Variants in PCBP3 observed in about 807,000 individuals in gnomAD.
PCBP3 encodes the protein poly(rC) binding protein 3.
A neutral mutation model predicts 52.7 loss-of-function variants in PCBP3; 25 were observed. That is an observed-to-expected ratio of 0.47 (90% confidence interval 0.35 to 0.66). The LOEUF (loss-of-function observed/expected upper bound fraction) is 0.66, where lower values mean the gene tolerates loss of function less well. PCBP3 is among the 30% of genes least tolerant of loss of function. The pLI is 0.01. For synonymous variants in PCBP3, 162 were observed against 183.0 expected (o/e 0.89, Z 0.93); for missense variants, 391 against 490.3 (o/e 0.80, Z 1.91).
At chr21:45,807,091 G>A (rs575024032) in intron 4 of PCBP3, among the ~76,000 whole-genome samples, 65 of 152,274 alleles carry the variant, frequency 4.3e-4, no homozygotes, top group Non-Finnish European at 7.5e-4. Context: ...CACACGAATG[G>A]GCAAAAGCTG....
chr21:45,904,812 A>G lies in PCBP3; in HGVS notation c.339+3699A>G, dbSNP rs563335189. 2.0e-5 allele frequency among the ~76,000 whole-genome samples: 3 copies of G among 152,234 alleles called. No homozygotes were observed. Among genetic ancestry groups the G allele is most frequent in the Admixed American group, 2.0e-4 (3 of 15,290 alleles). ...CTCTGGGGCCGTGTCTCACCCTCAC[A>G]CCATGTCACGATTGTGCTGGTGACG... On this transcript the variant is annotated intron_variant, in intron 9 of 17. Transcript: ENST00000681687. This position sits in a 1 kb window ranked among gnomAD's most constrained non-coding sequence, Gnocchi z 4.8.
chr21:45,643,970 G>T (rs1476014978), intron 1 of PCBP3, 102 bp downstream of exon 1: 2 of 148,982 alleles, frequency 1.3e-5, no homozygotes, highest in Non-Finnish European at 3.0e-5. Flanking sequence ...CCCGGGCCGC[G>T]GCAAACTTCG....
chr21:45,726,409 G>T (rs2076412250), intron 2 of PCBP3, among the ~76,000 whole-genome samples: 1 of 152,116 alleles, frequency 6.6e-6, no homozygotes, highest in African/African-American at 2.4e-5. Flanking sequence ...GGGGCCTGTG[G>T]CTGGAGCCCA....
chr21:45,844,704 G>T (rs923230116), intron 4 of PCBP3, among the ~76,000 whole-genome samples: 1 of 152,084 alleles, frequency 6.6e-6, no homozygotes, highest in East Asian at 1.9e-4. Context: ...GCCCACAAAA[G>T]TGGCAACGTT....
At chr21:45,651,998 A>G (rs1046140497) in intron 1 of PCBP3, among the ~76,000 whole-genome samples, 2 of 152,208 alleles carry the variant, frequency 1.3e-5, no homozygotes, top group African/African-American at 2.4e-5. Context: ...GCATTTGTGT[A>G]TGAGATCGCT....
intron 4 of PCBP3, chr21:45,763,892 G>C (rs535625964): frequency 6.6e-6 from 1 of 152,222 alleles, no homozygotes; most frequent in African/African-American, 2.4e-5. Flanking sequence ...TTGATCACTG[G>C]GTCATTGGAT....
chr21:45,778,688 T>A (rs2090426422), intron 4 of PCBP3, among the ~76,000 whole-genome samples: 1 of 151,998 alleles, frequency 6.6e-6, no homozygotes, highest in African/African-American at 2.4e-5. Context: ...CCCACAATGG[T>A]GGATTGGGTT....
intron 1 of PCBP3, among the ~76,000 whole-genome samples, chr21:45,652,224 C>A (rs1246826343): frequency 6.6e-6 from 1 of 152,046 alleles, no homozygotes; most frequent in Non-Finnish European, 1.5e-5. Context: ...ATTAGTTGAT[C>A]TCAAAAAGAT....
In PCBP3 at chr21:45,726,167, T is replaced by C. The variant is rs1345859446; in HGVS notation, c.-199-9225T>C. Among the ~76,000 whole-genome samples the C allele has an allele frequency of 2.0e-5, 3 of 151,982 alleles. No individual in the cohort carries two copies. In the East Asian group the frequency reaches 5.8e-4, roughly 29 times the overall value. The stretch of plus-strand genomic sequence containing the variant: ...AGGGGCCTGAGCAACTCAGGCAGGA[T>C]GACGTGGGGAGGGTCAGGTCCAAGG... On this transcript the variant is annotated intron_variant, in intron 2 of 17. Coordinates refer to ENST00000681687, the MANE Select transcript of PCBP3 (RefSeq NM_001384156.1).
intron 1 of PCBP3, among the ~76,000 whole-genome samples, chr21:45,660,193 A>G (rs368628808): frequency 1.3e-5 from 2 of 152,010 alleles, no homozygotes; most frequent in South Asian, 4.1e-4. Flanking sequence ...GAGCTTCTTG[A>G]TGAATTGACC....
chr21:45,930,013 T>C lies in PCBP3; in HGVS notation c.796+18T>C, dbSNP rs1368920738. On this transcript the variant is annotated intron_variant, in intron 14 of 17. Coordinates refer to ENST00000681687, the MANE Select transcript of PCBP3 (RefSeq NM_001384156.1). ...TTTCCCCGGTACGTACCCAGCCCTT[T>C]TCTCACCTCCTTCTCTTCTCACCTG... The C allele has an allele frequency of 6.4e-7, 1 of 1,569,094 alleles. No homozygotes were observed. Among genetic ancestry groups the C allele is most frequent in the Admixed American group, 1.7e-5 (1 of 59,896 alleles).
chr21:45,811,573 A>G (rs2092688409), intron 4 of PCBP3, among the ~76,000 whole-genome samples: 1 of 152,270 alleles, frequency 6.6e-6, no homozygotes, highest in Non-Finnish European at 1.5e-5. Flanking sequence ...TAGGACTGTT[A>G]CATCTTCTTG....
intron 11 of PCBP3, chr21:45,911,413 G>A: frequency 3.9e-6 from 1 of 259,506 alleles, no homozygotes; most frequent in South Asian, 3.9e-5. Flanking sequence ...GGGTGGGAGG[G>A]AGGCAAAGGC....
intron 4 of PCBP3, among the ~76,000 whole-genome samples, chr21:45,844,212 G>A (rs2093757206): frequency 6.6e-6 from 1 of 151,966 alleles, no homozygotes; most frequent in Non-Finnish European, 1.5e-5. Context: ...TGAGCCGGAC[G>A]ATTGACCCAC....
chr21:45,690,429 A>G (rs76694187), intron 2 of PCBP3, among the ~76,000 whole-genome samples: 4,759 of 152,214 alleles, frequency 0.031, 123 homozygotes, highest in Non-Finnish European at 0.045. Context: ...CAACAAATAG[A>G]TAAAAATAAA....
Position 45,657,072 on chromosome 21 carries a change from C to T in PCBP3, c.-278-11802C>T, listed in dbSNP as rs561197846. On this transcript the variant is annotated intron_variant, in intron 1 of 17. Transcript: ENST00000681687. ...TCCTGACCTCGTGATCCACCTGCCT[C>T]GGCCTCCCAAAGTGCTGGGATTACA... Among the ~76,000 whole-genome samples, 20 of 152,268 alleles carry T rather than the reference C, an allele frequency of 1.3e-4. No homozygotes were observed. In the South Asian group the frequency reaches 2.9e-3, roughly 22 times the overall value.
At chr21:45,732,713 T>G (rs142270054) in intron 2 of PCBP3, 1 of 152,336 alleles carries the variant, frequency 6.6e-6, no homozygotes, top group Non-Finnish European at 1.5e-5. Context: ...TGGAGTGCAG[T>G]GATGCAATCA....
At chr21:45,664,766 C>T (rs2080674928) in intron 1 of PCBP3, among the ~76,000 whole-genome samples, 1 of 124,230 alleles carries the variant, frequency 8.0e-6, no homozygotes, top group Non-Finnish European at 1.7e-5. Flanking sequence ...TCCCTCCCCC[C>T]TCCCCCCCAC....
At chr21:45,658,300 A>G (rs1371467184) in intron 1 of PCBP3, among the ~76,000 whole-genome samples, 2 of 151,902 alleles carry the variant, frequency 1.3e-5, no homozygotes, top group Non-Finnish European at 2.9e-5. Flanking sequence ...CGGTTTTGCA[A>G]GTGTTTTGTT....
Sources: gnomAD v4.1 joint callset for allele counts (sites outside exome capture counted in the v4.1 genomes callset) on GRCh38, gnomAD v4.1.1 for gene constraint, Gnocchi (gnomAD v3.1) non-coding constraint, MANE v1.5 for transcripts, NCBI Gene and HGNC (gene_info 2026-07-23, HGNC 2026-07-21) for gene names.